The following NDEL1 variants were observed in gnomAD, a reference collection of about 807,000 sequenced individuals.
NDEL1 encodes nuclear distribution protein nudE-like 1.
A neutral mutation model predicts 45.7 loss-of-function variants in NDEL1; 9 were observed. The observed-to-expected ratio is 0.20, with a 90% CI of 0.12 to 0.34. The LOEUF is 0.34. NDEL1 is among the 10% of genes least tolerant of loss of function. The pLI is 1.00. For synonymous variants in NDEL1, 133 were observed against 158.6 expected (o/e 0.84, Z 1.21); for missense variants, 306 against 406.2 (o/e 0.75, Z 2.12).
At chr17:8,438,028 G>A (rs1430032745) in intron 1 of NDEL1, among the ~76,000 whole-genome samples, 1 of 151,552 alleles carries the variant, frequency 6.6e-6, no homozygotes. Flanking sequence ...GCACAATCTC[G>A]GCTCACTGCA....
intron 1 of NDEL1, among the ~76,000 whole-genome samples, chr17:8,437,909 C>T (rs182660296): frequency 2.3e-5 from 3 of 128,718 alleles, no homozygotes; most frequent in East Asian, 2.3e-4. Flanking sequence ...AGACTGTGTC[C>T]GTATTGAGAT....
At chr17:8,469,990 G>A (rs1310441471), downstream of NDEL1, among the ~76,000 whole-genome samples, 1 of 151,670 alleles carries the variant, frequency 6.6e-6, no homozygotes, top group Non-Finnish European at 1.5e-5. Flanking sequence ...TTACAGGTGT[G>A]GGCCACCGTG....
At chr17:8,472,736 A>ATAAG (rs1567749622), downstream of NDEL1, among the ~76,000 whole-genome samples, 2 of 151,958 alleles carry the variant, frequency 1.3e-5, no homozygotes, top group African/African-American at 4.8e-5. Context: ...ATTAAAGAAA[A>ATAAG]TAAATAAAAA....
intron 1 of NDEL1, among the ~76,000 whole-genome samples, chr17:8,441,912 A>G (rs1272093464): frequency 1.3e-5 from 2 of 151,254 alleles, no homozygotes; most frequent in African/African-American, 4.9e-5. Context: ...TTTTTTTTTA[A>G]GTCTTTGTCT....
chr17:8,449,628 A>G (rs939138014), intron 5 of NDEL1, among the ~76,000 whole-genome samples: 1 of 152,222 alleles, frequency 6.6e-6, no homozygotes, highest in Non-Finnish European at 1.5e-5. Flanking sequence ...TACCTCATAT[A>G]AGGGAGATTA....
chr17:8,458,494 G>T (rs1055979362), intron 7 of NDEL1, among the ~76,000 whole-genome samples: 1 of 151,902 alleles, frequency 6.6e-6, no homozygotes, highest in Non-Finnish European at 1.5e-5. Context: ...ACTCAATATG[G>T]ATTTGAATGA....
Position 8,466,973 on chromosome 17 carries a change from G to C in NDEL1, c.988G>C (p.Gly330Arg). 1 of 1,614,146 alleles carries C rather than the reference G, an allele frequency of 6.2e-7. No individual in the cohort carries two copies. Among genetic ancestry groups the C allele is most frequent in the East Asian group, 2.2e-5 (1 of 44,884 alleles). The stretch of plus-strand genomic sequence containing the variant: ...CCCCGCTCCTCCTCCTCCTGGTCTG[G>C]GCTCCTCGCGTCCATCGTCAGCGCC... ...FDPAPPPPGL[G>R]SSRPSSAPGM... Residue 330 changes from glycine to arginine, a missense_variant, in exon 9 of 9, where the codon GGC becomes CGC. Around this residue, in one of 3 missense-constraint regions of NDEL1, gnomAD observed 175 missense variants for 205.2 expected, o/e 0.85. Transcript: ENST00000334527.
At chr17:8,428,281 T>A (rs140681602) in intron 1 of NDEL1, among the ~76,000 whole-genome samples, 1 of 151,770 alleles carries the variant, frequency 6.6e-6, no homozygotes, top group South Asian at 2.1e-4. Context: ...GACTTTTCTC[T>A]CTATATAAAA....
chr17:8,469,861 A>ATTTTTTTT (rs762773754), downstream of NDEL1, among the ~76,000 whole-genome samples: 7 of 128,650 alleles, frequency 5.4e-5, no homozygotes, highest in Non-Finnish European at 6.4e-5. Context: ...TGCCTGGCTA[A>ATTTTTTTT]TTTTTTTTTT....
At chr17:8,432,328 A>AATATATATATATTATATATAAATATAT, upstream of NDEL1, among the ~76,000 whole-genome samples, 1 of 106,586 alleles carries the variant, frequency 9.4e-6, no homozygotes, top group Non-Finnish European at 1.9e-5. Context: ...TTTATATATA[A>AATATATATATATTATATATAAATATAT]ATATATATAT....
intron 1 of NDEL1, among the ~76,000 whole-genome samples, chr17:8,429,647 G>A (rs962417600): frequency 3.9e-5 from 6 of 152,210 alleles, no homozygotes; most frequent in Admixed American, 1.3e-4. Flanking sequence ...TCTATTTGGG[G>A]GACCATGCTG....
intron 1 of NDEL1, among the ~76,000 whole-genome samples, chr17:8,421,632 G>A (rs1053585398): frequency 1.3e-5 from 2 of 152,158 alleles, no homozygotes; most frequent in Admixed American, 1.3e-4. Context: ...AGTGCAAGAA[G>A]ATAAATCTAT....
chr17:8,433,865 CATATTATTCATA>C (rs546280602), upstream of NDEL1, among the ~76,000 whole-genome samples: 85 of 152,174 alleles, frequency 5.6e-4, 1 homozygote, highest in African/African-American at 1.9e-3. Context: ...TCATAATATG[CATATTATTCATA>C]ATATTATTCA....
intron 8 of NDEL1, 175 bp from the exon 9 acceptor site, chr17:8,466,755 A>G (rs990113094): frequency 1.6e-6 from 1 of 627,062 alleles, no homozygotes; most frequent in Admixed American, 3.0e-5. Context: ...CAAAGGCTCA[A>G]TTCTCTAACC....
chr17:8,430,869 AT>A (rs1908982982), upstream of NDEL1, among the ~76,000 whole-genome samples: 1 of 152,138 alleles, frequency 6.6e-6, no homozygotes, highest in African/African-American at 2.4e-5. Flanking sequence ...AAGGTTGCTG[AT>A]GGTTAATTGC....
intron 7 of NDEL1, among the ~76,000 whole-genome samples, chr17:8,456,878 C>A (rs1259531168): frequency 6.6e-6 from 1 of 152,158 alleles, no homozygotes; most frequent in Non-Finnish European, 1.5e-5. Flanking sequence ...TTTTCTGAGC[C>A]CTCTACTAGC....
chr17:8,444,246 T>G lies in NDEL1; in HGVS notation c.-12-14T>G. 6.5e-7 allele frequency: 1 copy of G among 1,533,336 alleles called. No homozygotes were observed. The highest frequency in any genetic ancestry group is 9.0e-7 in the Non-Finnish European group (1 of 1,110,836). The allele number at this position is 1,533,336 out of a possible 1,614,324, so 95.0% of individuals were successfully genotyped here. On this transcript the variant is annotated splice_polypyrimidine_tract_variant and intron_variant, in intron 1 of 8. Transcript: ENST00000334527. ...GTTCTCTAATTTGTTAAGTTTGTCT[T>G]TAATATTTCACAGGCTTTCTTGATC...
At chr17:8,430,822 T>C (rs894243425) in intron 1 of NDEL1, among the ~76,000 whole-genome samples, 1 of 152,208 alleles carries the variant, frequency 6.6e-6, no homozygotes, top group African/African-American at 2.4e-5. Context: ...ACTTTATTTT[T>C]TCTGGATTTG....
In NDEL1 at chr17:8,450,928, G is replaced by A. The variant is rs369924639; in HGVS notation, c.675G>A (p.Thr225=). The part of the protein sequence containing the change: ...SLPATPVGKG[T]ENTFPSPKAI... ...CAGCTACCCCTGTTGGCAAAGGAACGGAGAACACTTTTCCTTCACCGAAAG... is the reference window on the plus strand; with the variant it reads ...CAGCTACCCCTGTTGGCAAAGGAACAGAGAACACTTTTCCTTCACCGAAAG... Residue 225 remains threonine, a synonymous_variant, in exon 6 of 9, where the codon ACG becomes ACA. Coordinates refer to ENST00000334527, the MANE Select transcript of NDEL1 (RefSeq NM_030808.5). 4.3e-6 allele frequency: 7 copies of A among 1,609,286 alleles called. No homozygotes were observed. The highest frequency in any genetic ancestry group is 3.3e-4 in the Middle Eastern group (2 of 6,074).
Sources: gnomAD v4.1 joint callset for allele counts (sites outside exome capture counted in the v4.1 genomes callset) on GRCh38, gnomAD v4.1.1 for gene constraint, gnomAD v4.1.1 regional missense constraint, MANE v1.5 for transcripts, NCBI Gene and HGNC (gene_info 2026-07-23, HGNC 2026-07-21) for gene names.